The following MAP3K20 variants were observed in gnomAD, a reference collection of about 807,000 sequenced individuals.
MAP3K20 encodes mitogen-activated protein kinase kinase kinase 20, also known as HCCS-4.
A neutral mutation model predicts 85.7 loss-of-function variants in MAP3K20; 40 were observed. The ratio of observed to expected loss-of-function variants is 0.47; its 90% CI spans 0.36 to 0.61. MAP3K20 has a LOEUF of 0.61. Ranked by LOEUF, MAP3K20 falls within the 20% of genes least tolerant of loss-of-function variation. The pLI is 0.00. For missense variants in MAP3K20, 817 were observed against 961.7 expected, an observed-to-expected ratio of 0.85 and a Z score of 1.99; for synonymous variants, 325 against 327.7, an observed-to-expected ratio of 0.99 and a Z score of 0.09.
chr2:173,087,410 G>T (rs76130746), intron 1 of MAP3K20, among the ~76,000 whole-genome samples: 1 of 152,172 alleles, frequency 6.6e-6, no homozygotes, highest in East Asian at 1.9e-4. Context: ...GCAGTTCCTC[G>T]TGTGTGTATG....
chr2:173,238,775 G>A (rs1684712983), intron 15 of MAP3K20, among the ~76,000 whole-genome samples: 1 of 152,142 alleles, frequency 6.6e-6, no homozygotes, highest in South Asian at 2.1e-4. Context: ...TTCATACCCT[G>A]GAGCGCTCGA....
At chr2:173,247,649 G>A (rs1684949032) in intron 16 of MAP3K20, among the ~76,000 whole-genome samples, 1 of 152,110 alleles carries the variant, frequency 6.6e-6, no homozygotes, top group Non-Finnish European at 1.5e-5. Flanking sequence ...ACAATTAACA[G>A]CAGGTTGTTA....
At chr2:173,145,264 A>C (rs541339459) in intron 2 of MAP3K20, among the ~76,000 whole-genome samples, 1 of 152,228 alleles carries the variant, frequency 6.6e-6, no homozygotes, top group African/African-American at 2.4e-5. Context: ...AAGAAAAAAA[A>C]ATTGGTAACT....
intron 2 of MAP3K20, among the ~76,000 whole-genome samples, chr2:173,121,498 T>C (rs905540804): frequency 1.3e-5 from 2 of 151,982 alleles, no homozygotes; most frequent in African/African-American, 4.8e-5. Context: ...GCCATTCTCC[T>C]GCCTCAGCCT....
chr2:173,162,950 G>A (rs1206036080), intron 2 of MAP3K20, among the ~76,000 whole-genome samples: 1 of 152,118 alleles, frequency 6.6e-6, no homozygotes, highest in East Asian at 1.9e-4. Context: ...AGTGGAACCT[G>A]CCAGCCTTAT....
chr2:173,091,321 C>G, intron 2 of MAP3K20, 131 bp downstream of exon 2: 1 of 861,728 alleles, frequency 1.2e-6, no homozygotes, highest in Non-Finnish European at 1.7e-6. Flanking sequence ...GAGGCCGTTT[C>G]CCAATTTCCA....
At chr2:173,149,978 T>C (rs2106225622) in intron 2 of MAP3K20, among the ~76,000 whole-genome samples, 1 of 152,332 alleles carries the variant, frequency 6.6e-6, no homozygotes, top group South Asian at 2.1e-4. Flanking sequence ...ATATGATGAA[T>C]GATGGCTAAT....
intron 2 of MAP3K20, among the ~76,000 whole-genome samples, chr2:173,125,783 C>G (rs1574036337): frequency 6.6e-6 from 1 of 152,268 alleles, no homozygotes; most frequent in East Asian, 1.9e-4. Context: ...CTGCCTCAGT[C>G]TCCTGAGTAG....
chr2:173,102,609 C>T (rs553639099), intron 2 of MAP3K20, among the ~76,000 whole-genome samples: 2 of 152,018 alleles, frequency 1.3e-5, no homozygotes, highest in Non-Finnish European at 2.9e-5. Flanking sequence ...TAATGCTTGG[C>T]AGAATTAGGT....
intron 2 of MAP3K20, among the ~76,000 whole-genome samples, chr2:173,121,699 C>T (rs1317061352): frequency 6.6e-6 from 1 of 152,056 alleles, no homozygotes; most frequent in African/African-American, 2.4e-5. Flanking sequence ...AGAACAAATT[C>T]TTATCTAGGA....
At chr2:173,154,096 T>C (rs949485450) in intron 2 of MAP3K20, among the ~76,000 whole-genome samples, 3 of 151,926 alleles carry the variant, frequency 2.0e-5, no homozygotes, top group African/African-American at 7.3e-5. Context: ...ACCTGCCTGT[T>C]ACCCTATCAC....
rs1012553914 is a variant in MAP3K20 at position 173,174,705 on chromosome 2, C to T, written c.247+4813C>T. 5.3e-5 allele frequency among the ~76,000 whole-genome samples: 8 copies of T among 152,246 alleles called. No individual in the cohort carries two copies. The East Asian group carries it at 1.5e-3, about 29-fold the overall frequency. ...TCTTTATAGTAGAATGATTTATAAT[C>T]CTTTGGGTATATACCCAGTAATGGG... On this transcript the variant is annotated intron_variant, in intron 3 of 19. Transcript: ENST00000375213.
intron 5 of MAP3K20, among the ~76,000 whole-genome samples, chr2:173,190,580 G>A (rs1030322756): frequency 2.6e-5 from 4 of 152,132 alleles, no homozygotes; most frequent in African/African-American, 4.8e-5. Context: ...GTATCACATT[G>A]GCAGTACATG....
chr2:173,118,477 G>T (rs1688187504), intron 2 of MAP3K20, among the ~76,000 whole-genome samples: 1 of 151,978 alleles, frequency 6.6e-6, no homozygotes. Flanking sequence ...GGTTTTTTGA[G>T]GGGGGTGACT....
intron 11 of MAP3K20, chr2:173,221,415 G>C (rs774718563): frequency 1.2e-6 from 2 of 1,614,074 alleles, no homozygotes; most frequent in Middle Eastern, 3.3e-4. Context: ...TCTAAGAGAA[G>C]GGGGAAGAAA....
chr2:173,165,364 T>G (rs1689785594), intron 2 of MAP3K20, among the ~76,000 whole-genome samples: 1 of 151,610 alleles, frequency 6.6e-6, no homozygotes, highest in East Asian at 1.9e-4. Flanking sequence ...TTGCAGTGAG[T>G]GGAGATTGCA....
intron 1 of MAP3K20, among the ~76,000 whole-genome samples, chr2:173,077,708 T>C (rs1302097644): frequency 1.3e-5 from 2 of 152,220 alleles, no homozygotes; most frequent in Admixed American, 1.3e-4. Flanking sequence ...GCAAGGACTT[T>C]CTCCGTTGTC....
chr2:173,195,532 C>A (rs770116056), intron 7 of MAP3K20, among the ~76,000 whole-genome samples: 9 of 152,146 alleles, frequency 5.9e-5, no homozygotes, highest in Admixed American at 2.0e-4. Context: ...TAATATTTGG[C>A]CTGAATCCTC....
intron 8 of MAP3K20, among the ~76,000 whole-genome samples, chr2:173,202,356 G>C (rs1691095406): frequency 6.6e-6 from 1 of 152,098 alleles, no homozygotes; most frequent in South Asian, 2.1e-4. Flanking sequence ...CAGTTTTCTT[G>C]TCAAGGCAAC....
Sources: allele counts gnomAD v4.1 joint callset (sites outside exome capture counted in the v4.1 genomes callset), GRCh38; gene constraint gnomAD v4.1.1; transcripts MANE v1.5; gene names NCBI Gene and HGNC (gene_info 2026-07-23, HGNC 2026-07-21).